Variants in GRIK2 observed in about 807,000 individuals in gnomAD.
GRIK2 encodes the protein glutamate receptor ionotropic, kainate 2.
Under a neutral mutation model 100.3 loss-of-function variants are expected in GRIK2, and 32 were observed. The ratio of observed to expected loss-of-function variants is 0.32; its 90% CI spans 0.24 to 0.43. The LOEUF is 0.43. Among genes scored for constraint, GRIK2 ranks in the 20% least tolerant of loss-of-function variants. The pLI, the probability that GRIK2 is intolerant of heterozygous loss-of-function variation, is 1.00. For missense variants in GRIK2, 843 were observed against 1,114.9 expected (o/e 0.76, Z 3.47); for synonymous variants, 417 against 389.4 (o/e 1.07, Z -0.83).
intron 4 of GRIK2, among the ~76,000 whole-genome samples, chr6:101,638,647 A>G (rs568144080): frequency 6.6e-6 from 1 of 152,166 alleles, no homozygotes; most frequent in Non-Finnish European, 1.5e-5. Context: ...GGGAAAATCT[A>G]AAAACCAAAG....
In GRIK2 at chr6:101,724,821, C is replaced by G. The variant is rs1490186335; in HGVS notation, c.951+38468C>G. 4.7e-4 allele frequency among the ~76,000 whole-genome samples: 71 copies of G among 152,064 alleles called. 1 individual carries two copies. Among genetic ancestry groups the G allele is most frequent in the Non-Finnish European group, 2.9e-5 (2 of 67,926 alleles). On this transcript the variant is annotated intron_variant, in intron 7 of 16. Coordinates refer to ENST00000369134, the MANE Select transcript of GRIK2 (RefSeq NM_021956.5). The stretch of plus-strand genomic sequence containing the variant: ...AGAATAAGTGATATGCCTGAAAAAT[C>G]TAAGAGTTCTGAGAAATAGGAGGTT...
At chr6:102,008,644 A>C (rs979524225) in intron 14 of GRIK2, among the ~76,000 whole-genome samples, 27 of 152,088 alleles carry the variant, frequency 1.8e-4, no homozygotes, top group Non-Finnish European at 1.5e-5. Context: ...TTAAGGCTTC[A>C]CTTTTGTCTT....
At chr6:101,963,631 C>G (rs1223046) in intron 14 of GRIK2, among the ~76,000 whole-genome samples, 1 of 150,346 alleles carries the variant, frequency 6.7e-6, no homozygotes, top group Non-Finnish European at 1.5e-5. Flanking sequence ...GGATTACAGG[C>G]GTGAGCCACC....
rs139713882 is a variant in GRIK2 at position 101,920,545 on chromosome 6, A to G, written c.1749-4056A>G. 6.2e-3 allele frequency among the ~76,000 whole-genome samples: 936 copies of G among 152,006 alleles called. 11 individuals carry two copies. The highest frequency in any genetic ancestry group is 0.021 in the African/African-American group (885 of 41,540). On this transcript the variant is annotated intron_variant, in intron 12 of 16. Coordinates refer to ENST00000369134, the MANE Select transcript of GRIK2 (RefSeq NM_021956.5). ...AACCCAAGGAGGAAAACAAATACTG[A>G]GCGATAGTCATCAGTCTCTATTATA... is the stretch of plus-strand genomic sequence containing the variant.
chr6:102,001,500 TC>T (rs1794940252), intron 14 of GRIK2, among the ~76,000 whole-genome samples: 1 of 152,064 alleles, frequency 6.6e-6, no homozygotes, highest in Non-Finnish European at 1.5e-5. Context: ...AATGAAGGTT[TC>T]CAGCTTCATC....
At chr6:101,800,847 C>G (rs886195397) in intron 8 of GRIK2, among the ~76,000 whole-genome samples, 6 of 151,958 alleles carry the variant, frequency 3.9e-5, no homozygotes, top group African/African-American at 1.4e-4. Flanking sequence ...ATTATTGAAA[C>G]AATGACGTGT....
intron 16 of GRIK2, among the ~76,000 whole-genome samples, chr6:102,065,514 A>G (rs563670715): frequency 1.7e-4 from 26 of 151,260 alleles, no homozygotes; most frequent in African/African-American, 5.5e-4. Context: ...TTCCTAAGAA[A>G]GTTAGTTACT....
chr6:101,581,218 TCACA>T (rs537570297), intron 2 of GRIK2, among the ~76,000 whole-genome samples: 4 of 130,466 alleles, frequency 3.1e-5, no homozygotes, highest in South Asian at 2.3e-4. Flanking sequence ...ATATATACAT[TCACA>T]CACACTCACA....
intron 2 of GRIK2, among the ~76,000 whole-genome samples, chr6:101,574,280 G>C (rs1320213707): frequency 4.7e-5 from 7 of 147,576 alleles, no homozygotes; most frequent in Non-Finnish European, 9.0e-5. Context: ...AGCTGTTAAA[G>C]TGTATATATA....
At chr6:101,884,528 G>A (rs921384935) in intron 11 of GRIK2, among the ~76,000 whole-genome samples, 3 of 152,178 alleles carry the variant, frequency 2.0e-5, no homozygotes, top group South Asian at 2.1e-4. Context: ...ATGAAGATAT[G>A]CTTTGTTATC....
At chr6:101,736,204 A>G (rs1012671943) in intron 7 of GRIK2, among the ~76,000 whole-genome samples, 1 of 152,158 alleles carries the variant, frequency 6.6e-6, no homozygotes, top group African/African-American at 2.4e-5. Context: ...CTGGTGTTGA[A>G]TGTCTGCAGC....
At chr6:101,975,102 A>G (rs73763613) in intron 14 of GRIK2, among the ~76,000 whole-genome samples, 2,480 of 152,092 alleles carry the variant, frequency 0.016, 73 homozygotes, top group African/African-American at 0.058. Flanking sequence ...TGATTTTTTG[A>G]TTCCACAGAG....
chr6:101,505,513 C>T (rs1256760000), intron 2 of GRIK2, among the ~76,000 whole-genome samples: 1 of 152,026 alleles, frequency 6.6e-6, no homozygotes, highest in African/African-American at 2.4e-5. Flanking sequence ...TCCTATTATA[C>T]CAGACATGGA....
intron 12 of GRIK2, among the ~76,000 whole-genome samples, chr6:101,923,468 T>G (rs1789684404): frequency 6.6e-6 from 1 of 152,218 alleles, no homozygotes; most frequent in African/African-American, 2.4e-5. Flanking sequence ...CAGTTTGAAC[T>G]ACATTAGAGA....
chr6:101,605,531 A>G (rs1268373013), intron 2 of GRIK2, among the ~76,000 whole-genome samples: 1 of 152,016 alleles, frequency 6.6e-6, no homozygotes, highest in Non-Finnish European at 1.5e-5. Context: ...AAAATAAAAA[A>G]AGCTTAAATG....
intron 7 of GRIK2, among the ~76,000 whole-genome samples, chr6:101,746,228 T>C (rs1776412668): frequency 6.6e-6 from 1 of 152,214 alleles, no homozygotes; most frequent in Admixed American, 6.5e-5. Context: ...AAATACAGAA[T>C]AGTCATCTAT....
intron 2 of GRIK2, among the ~76,000 whole-genome samples, chr6:101,462,262 T>A (rs1695869332): frequency 1.3e-5 from 2 of 152,218 alleles, no homozygotes; most frequent in South Asian, 4.1e-4. Flanking sequence ...TATAGCAATG[T>A]GCTCCATCTG....
intron 10 of GRIK2, among the ~76,000 whole-genome samples, chr6:101,857,660 G>T (rs1411452609): frequency 6.6e-6 from 1 of 152,194 alleles, no homozygotes; most frequent in African/African-American, 2.4e-5. Flanking sequence ...CAGGGGCTTT[G>T]CCCATAAGCA....
At chr6:101,709,555 T>C (rs187231294) in intron 7 of GRIK2, among the ~76,000 whole-genome samples, 128 of 151,998 alleles carry the variant, frequency 8.4e-4, no homozygotes, top group Admixed American at 4.3e-3. Flanking sequence ...TATATGCATG[T>C]TTGTCTATTT....
Sources: gnomAD v4.1 joint callset for allele counts (sites outside exome capture counted in the v4.1 genomes callset) on GRCh38, gnomAD v4.1.1 for gene constraint, MANE v1.5 for transcripts, NCBI Gene and HGNC (gene_info 2026-07-23, HGNC 2026-07-21) for gene names.